MAP7: variants seen among roughly 807,000 people sequenced by gnomAD.
MAP7 encodes the protein ensconsin.
A neutral mutation model predicts 94.8 loss-of-function variants in MAP7; 52 were observed. The ratio of observed to expected loss-of-function variants is 0.55; its 90% CI spans 0.44 to 0.69. The LOEUF (loss-of-function observed/expected upper bound fraction) is 0.69. Among genes scored for constraint, MAP7 ranks in the 30% least tolerant of loss-of-function variants. The pLI, the probability that MAP7 is intolerant of heterozygous loss-of-function variation, is 0.00. For synonymous variants in MAP7, 350 were observed against 357.0 expected (o/e 0.98, Z 0.22); for missense variants, 940 against 964.6 (o/e 0.97, Z 0.34).
rs1220199805 is a variant in MAP7, at chr6:136,356,689, C to T, written c.2015+3G>A. On this transcript the variant is annotated splice_donor_region_variant and intron_variant, in intron 16 of 17. Transcript: ENST00000354570. ...ACTTTAATGAATGTCAGTGAAAACT[C>T]ACCTCTCCACTGTCACTTTTGACTG... The T allele has an allele frequency of 1.9e-6, 3 of 1,610,678 alleles. No individual in the cohort carries two copies. The highest frequency in any genetic ancestry group is 2.5e-6 in the Non-Finnish European group (3 of 1,177,106).
At chr6:136,447,078 G>A (rs758278655) in intron 1 of MAP7, among the ~76,000 whole-genome samples, 3 of 152,162 alleles carry the variant, frequency 2.0e-5, no homozygotes, top group Non-Finnish European at 4.4e-5. Context: ...TATATGCAAT[G>A]AGACTATCCT....
Position 136,532,264 on chromosome 6 carries a change from G to A in MAP7, c.67+18078C>T, listed in dbSNP as rs142907031. Among the ~76,000 whole-genome samples, 1,107 of 152,224 alleles carry A rather than the reference G, an allele frequency of 7.3e-3. 18 individuals are homozygous for A. Among genetic ancestry groups the A allele is most frequent in the African/African-American group, 0.025 (1,030 of 41,538 alleles). On this transcript the variant is annotated intron_variant, in intron 1 of 17. Coordinates refer to ENST00000354570, the MANE Select transcript of MAP7 (RefSeq NM_003980.6). ...GAGGACAAGCGTTCTCTGTTTACTG[G>A]TCCTCATACTACATGGTACTCGCAA...
intron 1 of MAP7, among the ~76,000 whole-genome samples, chr6:136,485,555 ATTTTTTT>A (rs747333121): frequency 7.1e-5 from 7 of 98,136 alleles, no homozygotes; most frequent in South Asian, 3.4e-4. Flanking sequence ...TCCACTTCAG[ATTTTTTT>A]TTTTTTTTTT....
intron 7 of MAP7, among the ~76,000 whole-genome samples, chr6:136,376,807 T>G (rs1053383260): frequency 1.3e-5 from 2 of 152,186 alleles, no homozygotes; most frequent in Non-Finnish European, 2.9e-5. Context: ...GGACTGAGAT[T>G]TATTCGCTCA....
At chr6:136,517,794 A>G (rs1262238297) in intron 1 of MAP7, among the ~76,000 whole-genome samples, 4 of 152,172 alleles carry the variant, frequency 2.6e-5, no homozygotes, top group Admixed American at 2.6e-4. Context: ...ACGTGGTGAA[A>G]CTTTCCTAGT....
chr6:136,386,859 G>A (rs764206510), intron 5 of MAP7, among the ~76,000 whole-genome samples: 7 of 152,166 alleles, frequency 4.6e-5, no homozygotes, highest in Non-Finnish European at 8.8e-5. Flanking sequence ...CCTCTAGGCT[G>A]GAGTGCAAAG....
intron 1 of MAP7, among the ~76,000 whole-genome samples, chr6:136,432,362 C>T (rs1795183086): frequency 6.6e-6 from 1 of 152,038 alleles, no homozygotes; most frequent in East Asian, 1.9e-4. Context: ...GAAAGCAAAG[C>T]AGGTCCTGGT....
intron 3 of MAP7, among the ~76,000 whole-genome samples, chr6:136,400,389 C>T (rs1783729990): frequency 6.8e-6 from 1 of 148,100 alleles, no homozygotes; most frequent in Admixed American, 6.8e-5. Context: ...GCACTCCAGC[C>T]TGGGCAACAG....
intron 16 of MAP7, among the ~76,000 whole-genome samples, chr6:136,346,829 G>T (rs1787840680): frequency 6.6e-6 from 1 of 152,176 alleles, no homozygotes; most frequent in African/African-American, 2.4e-5. Flanking sequence ...CTGAGAGATA[G>T]TTGAGGCTAA....
At chr6:136,523,261 T>C (rs1826916873) in intron 1 of MAP7, among the ~76,000 whole-genome samples, 2 of 152,172 alleles carry the variant, frequency 1.3e-5, no homozygotes, top group African/African-American at 4.8e-5. Context: ...CCACATTCAT[T>C]TCAGGACCCA....
Position 136,455,707 on chromosome 6 carries a change from T to A in MAP7, c.68-33908A>T, listed in dbSNP as rs79156093. On this transcript the variant is annotated intron_variant, in intron 1 of 17. Transcript: ENST00000354570. ...AATATACTCTTAACCAATGAATGGG[T>A]CTTTAACAACCAACAAATGGGTCTG... Among the ~76,000 whole-genome samples the A allele has an allele frequency of 5.1e-3, 778 of 152,228 alleles. 6 individuals carry two copies. Among genetic ancestry groups the A allele is most frequent in the African/African-American group, 0.018 (750 of 41,538 alleles).
rs1193685594 is a variant in MAP7 at position 136,394,952 on chromosome 6, A to ATATATATATC, written c.245-5436_245-5435insGATATATATA. 5.5e-4 allele frequency among the ~76,000 whole-genome samples: 67 copies of ATATATATATC among 121,752 alleles called. 4 individuals are homozygous for ATATATATATC. The highest frequency in any genetic ancestry group is 9.5e-4 in the Non-Finnish European group (53 of 56,044). 79.9% of individuals were successfully genotyped at this position (121,752 alleles called of 152,430 possible). The stretch of plus-strand genomic sequence containing the variant: ...CCATCATATATATATATATATATAT[A>ATATATATATC]TATATATATATATATATATCACATT... On this transcript the variant is annotated intron_variant, in intron 3 of 17. Transcript: ENST00000354570.
At chr6:136,348,854 T>TA (rs1224356520) in intron 16 of MAP7, among the ~76,000 whole-genome samples, 9 of 150,982 alleles carry the variant, frequency 6.0e-5, no homozygotes, top group African/African-American at 1.5e-4. Context: ...ACTTCTTATT[T>TA]AAAAAAAAAG....
At chr6:136,360,956 C>A (rs745936081) in intron 12 of MAP7, 49 bp downstream of exon 12, 7 of 1,544,354 alleles carry the variant, frequency 4.5e-6, no homozygotes, top group Non-Finnish European at 5.2e-6. Context: ...TGGGCTGGGG[C>A]GTCTCCCTGC....
intron 3 of MAP7, among the ~76,000 whole-genome samples, chr6:136,391,702 ATAAG>A (rs1211848228): frequency 6.6e-6 from 1 of 152,182 alleles, no homozygotes; most frequent in Non-Finnish European, 1.5e-5. Context: ...AGTATACACA[ATAAG>A]TATTTACTGA....
At chr6:136,445,790 C>T (rs1006128382) in intron 1 of MAP7, among the ~76,000 whole-genome samples, 1 of 152,174 alleles carries the variant, frequency 6.6e-6, no homozygotes, top group African/African-American at 2.4e-5. Context: ...CAAAATCTAT[C>T]CCTGTATTAA....
intron 1 of MAP7, among the ~76,000 whole-genome samples, chr6:136,462,788 C>A (rs1262556619): frequency 6.6e-6 from 1 of 151,630 alleles, no homozygotes; most frequent in Admixed American, 6.6e-5. Flanking sequence ...ATGGTGAAAC[C>A]CTGTTTCTAC....
At chr6:136,541,575 C>T (rs752779215) in intron 1 of MAP7, among the ~76,000 whole-genome samples, 2 of 152,186 alleles carry the variant, frequency 1.3e-5, no homozygotes. Flanking sequence ...GTGCACTGCT[C>T]CCAGCCTCCT....
Position 136,366,444 on chromosome 6 carries a change from G to A in MAP7, c.877-5C>T. On this transcript the variant is annotated splice_polypyrimidine_tract_variant and splice_region_variant and intron_variant, in intron 8 of 17. Transcript: ENST00000354570. ...CTCTCTTTCTTTTTTATAGCTCTAA[G>A]TTCAGAGAAACTCAATAGTTAGATT... 4 of 1,587,072 alleles carry A rather than the reference G, an allele frequency of 2.5e-6. No individual in the cohort carries two copies. The highest frequency in any genetic ancestry group is 3.5e-6 in the Non-Finnish European group (4 of 1,155,618).
Sources: gnomAD v4.1 joint callset for allele counts (sites outside exome capture counted in the v4.1 genomes callset) on GRCh38, gnomAD v4.1.1 for gene constraint, MANE v1.5 for transcripts, NCBI Gene and HGNC (gene_info 2026-07-23, HGNC 2026-07-21) for gene names.